The following GAS7 variants were observed in gnomAD, a reference collection of about 807,000 sequenced individuals.
GAS7 encodes growth arrest-specific protein 7.
In GAS7, 28 loss-of-function variants were observed where a neutral mutation model predicts 71.1. The observed-to-expected ratio is 0.39, with a 90% CI of 0.29 to 0.54. The LOEUF is 0.54. GAS7 is among the 20% of genes least tolerant of loss of function. GAS7 has a pLI of 0.62. For missense variants in GAS7, 436 were observed against 627.8 expected (o/e 0.69, Z 3.27); for synonymous variants, 258 against 245.8 (o/e 1.05, Z -0.46).
At chr17:10,122,417 G>A (rs1237712440) in intron 1 of GAS7, among the ~76,000 whole-genome samples, 1 of 152,134 alleles carries the variant, frequency 6.6e-6, no homozygotes, top group East Asian at 1.9e-4. Flanking sequence ...TTATGTGATG[G>A]CCCTATTCAA....
At chr17:9,967,214 AT>A (rs1314736708) in intron 4 of GAS7, among the ~76,000 whole-genome samples, 3 of 151,090 alleles carry the variant, frequency 2.0e-5, no homozygotes, top group African/African-American at 7.3e-5. Context: ...TCTGCCTTCT[AT>A]AAAAGTAAAA....
At chr17:9,951,721 C>T (rs578013378) in intron 5 of GAS7, among the ~76,000 whole-genome samples, 302 of 128,512 alleles carry the variant, frequency 2.3e-3, no homozygotes, top group African/African-American at 8.5e-3. Flanking sequence ...TGCGCCATTG[C>T]ATCATTCCAG....
intron 1 of GAS7, among the ~76,000 whole-genome samples, chr17:10,184,218 C>A (rs758545076): frequency 1.6e-4 from 24 of 152,304 alleles, no homozygotes; most frequent in Non-Finnish European, 3.2e-4. Context: ...AGACCCTGCC[C>A]CCCAGCCTTT....
chr17:10,157,139 G>A lies in GAS7; in HGVS notation c.183+41069C>T, dbSNP rs182853158. 4.0e-3 allele frequency among the ~76,000 whole-genome samples: 610 copies of A among 152,200 alleles called. 6 individuals carry two copies. Among genetic ancestry groups the A allele is most frequent in the Non-Finnish European group, 2.8e-3 (190 of 68,024 alleles). On this transcript the variant is annotated intron_variant, in intron 1 of 13. Coordinates refer to ENST00000432992, the MANE Select transcript of GAS7 (RefSeq NM_201433.2). ...ACAAGGCCACACATGCCCAGTCACA[G>A]GATTTGACACATGGGACCCCTGGGA...
intron 1 of GAS7, among the ~76,000 whole-genome samples, chr17:10,181,626 G>A (rs998164281): frequency 6.6e-5 from 10 of 152,180 alleles, no homozygotes; most frequent in Non-Finnish European, 1.3e-4. Flanking sequence ...TGAAGGGCTT[G>A]TAAACAAGGC....
At chr17:10,041,564 A>G (rs1189257500) in intron 1 of GAS7, among the ~76,000 whole-genome samples, 1 of 152,212 alleles carries the variant, frequency 6.6e-6, no homozygotes, top group African/African-American at 2.4e-5. Flanking sequence ...GCAGACATTT[A>G]ATTCTTTAGG....
At chr17:10,151,409 G>A (rs1039460163) in intron 1 of GAS7, among the ~76,000 whole-genome samples, 1 of 151,532 alleles carries the variant, frequency 6.6e-6, no homozygotes, top group Non-Finnish European at 1.5e-5. Flanking sequence ...TAACAATACT[G>A]TTTTCTAACA....
At chr17:9,951,042 G>C (rs943066597) in intron 5 of GAS7, among the ~76,000 whole-genome samples, 21 of 152,140 alleles carry the variant, frequency 1.4e-4, no homozygotes, top group Non-Finnish European at 7.4e-5. Flanking sequence ...CCTTGGTTTC[G>C]GGCCGAGTCC....
rs150658070 is a variant in GAS7 at position 9,914,204 on chromosome 17, C to T, written c.*3024G>A. ...CATAGCCTCACTGGTTACCCTTGAG[C>T]TTCACTTTCCTATTTGCAAAGAGTT... is the stretch of plus-strand genomic sequence containing the variant. On this transcript the variant is annotated 3_prime_UTR_variant, in exon 14 of 14. Transcript: ENST00000432992. 5 of 216,950 alleles carry T rather than the reference C, an allele frequency of 2.3e-5. No individual in the cohort carries two copies. In the East Asian group the frequency reaches 3.4e-4, roughly 15 times the overall value. The allele number at this position is 216,950 out of a possible 1,614,324, so 13.4% of individuals were successfully genotyped here.
At chr17:10,001,283 C>A (rs188554041) in intron 2 of GAS7, among the ~76,000 whole-genome samples, 1 of 152,168 alleles carries the variant, frequency 6.6e-6, no homozygotes, top group South Asian at 2.1e-4. Flanking sequence ...TAAGCTCCAG[C>A]CCTCTCCTCT....
At chr17:9,951,760 CAAAAAAA>C (rs59048492) in intron 5 of GAS7, among the ~76,000 whole-genome samples, 11,591 of 69,146 alleles carry the variant, frequency 0.17, 584 homozygotes, top group South Asian at 0.24. Flanking sequence ...AACTCTGTCT[CAAAAAAA>C]AAAAAAAAAA....
Position 9,916,565 on chromosome 17 carries a change from C to A in GAS7, c.*663G>T, listed in dbSNP as rs1019069367. On this transcript the variant is annotated 3_prime_UTR_variant, in exon 14 of 14. Transcript: ENST00000432992. ...ATCTCATGGGACACGATTCAGCGCT[C>A]AATTTGGGGCTAATTTGCCGAATGA... 1.3e-4 allele frequency: 32 copies of A among 246,236 alleles called. No homozygotes were observed. Among genetic ancestry groups the A allele is most frequent in the Admixed American group, 1.1e-4 (2 of 18,104 alleles). 15.3% of individuals were successfully genotyped at this position (246,236 alleles called of 1,614,324 possible).
At chr17:10,012,545 C>T (rs1180409114) in intron 2 of GAS7, among the ~76,000 whole-genome samples, 1 of 152,168 alleles carries the variant, frequency 6.6e-6, no homozygotes, top group Non-Finnish European at 1.5e-5. Context: ...ACCTCGGCTT[C>T]CCAAAGTGCT....
intron 1 of GAS7, among the ~76,000 whole-genome samples, chr17:10,068,573 T>C (rs954301604): frequency 6.8e-6 from 1 of 147,888 alleles, no homozygotes; most frequent in East Asian, 2.0e-4. Flanking sequence ...CTAGACAACA[T>C]AGCAAAACCC....
At chr17:10,076,672 C>T (rs1272802324) in intron 1 of GAS7, among the ~76,000 whole-genome samples, 1 of 152,012 alleles carries the variant, frequency 6.6e-6, no homozygotes, top group Non-Finnish European at 1.5e-5. Context: ...AAGGATATGC[C>T]ATCACAAAAC....
At chr17:10,070,666 C>A (rs1395237672) in intron 1 of GAS7, among the ~76,000 whole-genome samples, 1 of 151,988 alleles carries the variant, frequency 6.6e-6, no homozygotes, top group Admixed American at 6.5e-5. Flanking sequence ...GCCCGGCCTC[C>A]CTTCATTCTC....
At chr17:9,983,978 T>C (rs1476829825) in intron 2 of GAS7, among the ~76,000 whole-genome samples, 1 of 152,112 alleles carries the variant, frequency 6.6e-6, no homozygotes, top group Admixed American at 6.5e-5. Context: ...TGTGACTCCC[T>C]TTCCTCCTAT....
chr17:9,948,054 A>C (rs1336061550), intron 5 of GAS7, among the ~76,000 whole-genome samples: 1 of 152,260 alleles, frequency 6.6e-6, no homozygotes, highest in African/African-American at 2.4e-5. Flanking sequence ...TTACTGTAAG[A>C]ATACAGTGTA....
At chr17:10,019,393 A>T (rs958046892) in intron 2 of GAS7, among the ~76,000 whole-genome samples, 1 of 152,128 alleles carries the variant, frequency 6.6e-6, no homozygotes, top group Admixed American at 6.5e-5. Flanking sequence ...ATTCCAAGAC[A>T]TCATGCAGTG....
Sources: gnomAD v4.1 joint callset for allele counts (sites outside exome capture counted in the v4.1 genomes callset) on GRCh38, gnomAD v4.1.1 for gene constraint, MANE v1.5 for transcripts, NCBI Gene and HGNC (gene_info 2026-07-23, HGNC 2026-07-21) for gene names.